MYO7A: variants seen among roughly 807,000 people sequenced by gnomAD.
The protein encoded by MYO7A is unconventional myosin-VIIa.
A neutral mutation model predicts 263.8 loss-of-function variants in MYO7A; 210 were observed. The ratio of observed to expected loss-of-function variants is 0.80; its 90% CI spans 0.71 to 0.89. The LOEUF (loss-of-function observed/expected upper bound fraction) is 0.89, where lower values mean the gene tolerates loss of function less well. MYO7A is among the 40% of genes least tolerant of loss of function. The probability of loss-of-function intolerance (pLI) is 0.00; values close to 1 mark genes in which losing one functional copy is unlikely to be tolerated. For synonymous variants in MYO7A, 1,239 were observed against 1,197.3 expected (o/e 1.03, Z -0.72); for missense variants, 2,820 against 2,968.3 (o/e 0.95, Z 1.16).
At position 77,179,588 on chromosome 11, in the gene MYO7A, G is replaced by A. The variant is rs868978829; in HGVS notation, c.2368-147G>A. On this transcript the variant is annotated intron_variant, in intron 20 of 48. Coordinates refer to ENST00000409709, the MANE Select transcript of MYO7A (RefSeq NM_000260.4). The stretch of plus-strand genomic sequence containing the variant: ...GAGGAAACAGAACTTTCTAACGATG[G>A]GGGGGCACTAATCTGAGAGGAGACT... The A allele has an allele frequency of 6.7e-5, 45 of 669,804 alleles. No homozygotes were observed. The Middle Eastern group carries it at 1.9e-3, about 28-fold the overall frequency. 41.5% of individuals were successfully genotyped at this position (669,804 alleles called of 1,614,324 possible).
In MYO7A at chr11:77,142,745, G is replaced by T. The variant is rs781869170; in HGVS notation, c.55G>T (p.Glu19Ter). The stretch of plus-strand genomic sequence containing the variant: ...GTGGATGGACCTGAGATTGGGGCAG[G>T]AGTTCGACGTGCCCATCGGGGCGGT... The part of the protein sequence containing the change: ...HVWMDLRLGQ[E>*]FDVPIGAVVK... Residue 19 changes from glutamate to a stop codon, truncating the protein, a stop_gained, in exon 3 of 49, where the codon GAG becomes TAG. Transcript: ENST00000409709. LOFTEE classifies it high-confidence loss of function. 6.2e-7 allele frequency: 1 copy of T among 1,611,984 alleles called. No individual in the cohort carries two copies. The highest frequency in any genetic ancestry group is 8.5e-7 in the Non-Finnish European group (1 of 1,179,218).
chr11:77,179,990 CCCTGGGCGAGGA>C, intron 21 of MYO7A, 37 bp downstream of exon 21: 2 of 1,496,506 alleles, frequency 1.3e-6, no homozygotes, highest in South Asian at 1.2e-5. Flanking sequence ...CAGCTCTGAC[CCCTGGGCGAGGA>C]GTGTCCATGC....
In MYO7A at chr11:77,199,639, G is replaced by A; in HGVS notation, c.4673G>A (p.Trp1558Ter). ...LTPAGPCSPCWSCRGAKTTAP... is the reference protein window; with the variant it reads ...LTPAGPCSPC ...CCGGCGGGGCCCTGTTCTCCGTGTT[G>A]GTCCTGCAGGGGAGCGAAAACGACG... The change falls in exon 35 of 49, where the codon TGG (tryptophan) becomes TAG (stop). Residue 1558 changes from tryptophan (W) to a stop codon, truncating the protein, a stop_gained. Coordinates refer to ENST00000409709, the MANE Select transcript of MYO7A (RefSeq NM_000260.4). LOFTEE classifies it high-confidence loss of function. The A allele has an allele frequency of 1.2e-6, 2 of 1,611,560 alleles. No individual in the cohort carries two copies. The highest frequency in any genetic ancestry group is 1.7e-6 in the Non-Finnish European group (2 of 1,179,292).
intron 8 of MYO7A, among the ~76,000 whole-genome samples, chr11:77,157,849 G>A (rs1271976629): frequency 6.6e-6 from 1 of 152,224 alleles, no homozygotes; most frequent in Admixed American, 6.5e-5. Context: ...TGTGCCCACT[G>A]TTGAAACCCT....
At chr11:77,192,414 G>A in intron 31 of MYO7A, 136 bp downstream of exon 31, 5 of 886,918 alleles carry the variant, frequency 5.6e-6, no homozygotes, top group Non-Finnish European at 7.2e-6. Context: ...GCACTCTTCA[G>A]GCTCCTGGAT....
intron 32 of MYO7A, among the ~76,000 whole-genome samples, chr11:77,194,903 G>A (rs1177174142): frequency 1.3e-5 from 2 of 152,130 alleles, no homozygotes; most frequent in Non-Finnish European, 2.9e-5. Flanking sequence ...CGCCTGGGGA[G>A]CTTTAGGGAC....
At chr11:77,205,347 C>A in intron 39 of MYO7A, 115 bp from the exon 40 acceptor site, 1 of 1,251,720 alleles carries the variant, frequency 8.0e-7, no homozygotes, top group South Asian at 1.5e-5. Context: ...TCAGGAGGGA[C>A]GGTGCTGCTG....
chr11:77,208,033 T>A (rs893753420), intron 42 of MYO7A, among the ~76,000 whole-genome samples: 6 of 152,206 alleles, frequency 3.9e-5, no homozygotes, highest in African/African-American at 1.4e-4. Flanking sequence ...CCTCACTTCA[T>A]GCCTGTCTCT....
intron 37 of MYO7A, 100 bp downstream of exon 37, chr11:77,202,524 C>G: frequency 2.1e-6 from 3 of 1,450,852 alleles, no homozygotes; most frequent in Non-Finnish European, 2.8e-6. Flanking sequence ...AAGCCCCCAC[C>G]TGTGAGCAGG....
At chr11:77,194,207 A>G (rs958664626) in intron 31 of MYO7A, 147 bp from the exon 32 acceptor site, 6 of 940,076 alleles carry the variant, frequency 6.4e-6, no homozygotes, top group Non-Finnish European at 6.6e-6. Flanking sequence ...TTCCCTGGTG[A>G]ATCAGTGAGA....
intron 15 of MYO7A, among the ~76,000 whole-genome samples, chr11:77,166,692 A>G (rs528509782): frequency 6.6e-5 from 10 of 152,078 alleles, no homozygotes; most frequent in Admixed American, 4.6e-4. Context: ...CTCCTGTCCC[A>G]TGGCTTCCTG....
chr11:77,200,618 C>T (rs1433447358), intron 35 of MYO7A, among the ~76,000 whole-genome samples: 1 of 152,246 alleles, frequency 6.6e-6, no homozygotes, highest in Non-Finnish European at 1.5e-5. Flanking sequence ...AGACCATGCC[C>T]CGTGGCCTTG....
At chr11:77,136,781 G>A (rs2135553092) in intron 2 of MYO7A, among the ~76,000 whole-genome samples, 1 of 152,344 alleles carries the variant, frequency 6.6e-6, no homozygotes, top group East Asian at 1.9e-4. Context: ...AGGTAACACA[G>A]CTTGTGAGTG....
intron 21 of MYO7A, among the ~76,000 whole-genome samples, 156 bp from the exon 22 acceptor site, chr11:77,180,218 C>G: frequency 6.6e-6 from 1 of 152,122 alleles, no homozygotes; most frequent in Non-Finnish European, 1.5e-5. Context: ...GCCTCCAGCC[C>G]GCTGGGTGAC....
intron 34 of MYO7A, 23 bp from the exon 35 acceptor site, chr11:77,199,512 C>T: frequency 6.8e-7 from 1 of 1,462,552 alleles, no homozygotes; most frequent in Non-Finnish European, 9.1e-7. Flanking sequence ...ATGACTGACT[C>T]AACTGGCCTT....
rs773872608 is a variant in MYO7A, at chr11:77,202,362, G to A, written c.5106G>A (p.Thr1702=). ...QDVVRLLQLR[T]AEPEVRAKPY... is the part of the protein sequence containing the mutation. The stretch of plus-strand genomic sequence containing the variant: ...TTGTCCGGCTCTTGCAGCTGCGAAC[G>A]GCGGAGCCCGAGGTGCGTGCCAAGC... Residue 1702 remains threonine, a synonymous_variant, in exon 37 of 49, where the codon ACG becomes ACA. Transcript: ENST00000409709. 3.1e-5 allele frequency: 48 copies of A among 1,566,142 alleles called. No homozygotes were observed. Among genetic ancestry groups the A allele is most frequent in the Middle Eastern group, 1.7e-4 (1 of 6,030 alleles).
intron 12 of MYO7A, among the ~76,000 whole-genome samples, 191 bp from the exon 13 acceptor site, chr11:77,161,929 C>A (rs1470725078): frequency 6.6e-6 from 1 of 152,200 alleles, no homozygotes; most frequent in East Asian, 1.9e-4. Flanking sequence ...GTCCTTTGCC[C>A]TTGCTGGGCC....
chr11:77,214,368 G>T (rs999462492), intron 48 of MYO7A, among the ~76,000 whole-genome samples: 1 of 152,212 alleles, frequency 6.6e-6, no homozygotes, highest in African/African-American at 2.4e-5. Flanking sequence ...AGGGATCCGT[G>T]ACTTGAGGGA....
intron 2 of MYO7A, among the ~76,000 whole-genome samples, chr11:77,136,170 T>C (rs1377714518): frequency 1.3e-5 from 2 of 152,252 alleles, no homozygotes; most frequent in African/African-American, 4.8e-5. Flanking sequence ...TATAGAATTC[T>C]TTCTTGACAG....
Sources: gnomAD v4.1 joint callset for allele counts (sites outside exome capture counted in the v4.1 genomes callset) on GRCh38, gnomAD v4.1.1 for gene constraint, MANE v1.5 for transcripts, NCBI Gene and HGNC (gene_info 2026-07-23, HGNC 2026-07-21) for gene names.